Variants in CPSF4L observed in about 807,000 individuals in gnomAD.
CPSF4L encodes cleavage and polyadenylation specific factor 4 like.
CPSF4L carries 18 observed loss-of-function variants against 24.0 expected under a neutral mutation model. That is an observed-to-expected ratio of 0.75 (90% CI 0.52 to 1.11). CPSF4L has a LOEUF of 1.11. Among genes scored for constraint, CPSF4L ranks in the 50% least tolerant of loss-of-function variants. CPSF4L has a pLI of 0.00. For missense variants in CPSF4L, 211 were observed against 221.8 expected (o/e 0.95, Z 0.31); for synonymous variants, 72 against 77.2 (o/e 0.93, Z 0.35).
chr17:73,248,576 C>T (rs774155068), intron 5 of CPSF4L, 40 bp from the exon 6 acceptor site: 13 of 1,546,960 alleles, frequency 8.4e-6, no homozygotes, highest in Middle Eastern at 1.7e-4. Context: ...AATCCATACA[C>T]GTAATCCATA....
intron 5 of CPSF4L, chr17:73,250,281 G>A: frequency 6.4e-7 from 1 of 1,550,648 alleles, no homozygotes. Context: ...TGTACTTACT[G>A]GCATAATGGC....
the CPSF4L span, chr17:73,243,095 T>G: frequency 2.5e-4 from 231 of 937,030 alleles, 6 homozygotes; most frequent in Non-Finnish European, 3.0e-4. Flanking sequence ...TTTTTTTTTT[T>G]TTTTTTACAG....
At chr17:73,256,659 G>A (rs1422346955) in intron 3 of CPSF4L, among the ~76,000 whole-genome samples, 2 of 152,236 alleles carry the variant, frequency 1.3e-5, no homozygotes, top group East Asian at 3.8e-4. Flanking sequence ...GAGACCTGAA[G>A]CACATTTACA....
intron 1 of CPSF4L, among the ~76,000 whole-genome samples, 194 bp from the exon 2 acceptor site, chr17:73,261,177 A>G (rs2062043432): frequency 6.6e-6 from 1 of 152,162 alleles, no homozygotes; most frequent in Non-Finnish European, 1.5e-5. Flanking sequence ...CCCAACTCTG[A>G]AACAGAGGAG....
chr17:73,250,136 C>T (rs756125911), intron 5 of CPSF4L: 29 of 1,056,432 alleles, frequency 2.7e-5, no homozygotes, highest in South Asian at 5.9e-5. Context: ...TACTTCTGCA[C>T]CTCACTCATA....
At chr17:73,247,350 T>A, downstream of CPSF4L, 5 of 1,614,012 alleles carry the variant, frequency 3.1e-6, no homozygotes, top group Non-Finnish European at 4.2e-6. Context: ...AGGAAGCACG[T>A]TTAAGTAGGA....
chr17:73,248,503 G>A lies in CPSF4L; in HGVS notation c.531C>T (p.Ser177=), dbSNP rs1460220992. 5 of 1,551,570 alleles carry A rather than the reference G, an allele frequency of 3.2e-6. No homozygotes were observed. In the East Asian group the frequency reaches 1.2e-4, roughly 38 times the overall value. ...AGGTAAGAAGCAACGCTTAGATCTT[G>A]CTTCCAGGCAGCAGCTTGAATTCCC... The part of the protein sequence containing the change: ...KIREFKLLPG[S]KI The change falls in exon 6 of 6, where the codon AGC becomes AGT. Residue 177 remains serine, a synonymous_variant. Coordinates refer to ENST00000344935, the MANE Select transcript of CPSF4L (RefSeq NM_001129885.1).
At chr17:73,253,439 GA>G (rs2062012964) in intron 4 of CPSF4L, among the ~76,000 whole-genome samples, 1 of 152,224 alleles carries the variant, frequency 6.6e-6, no homozygotes, top group African/African-American at 2.4e-5. Context: ...AACTCCGTAA[GA>G]AAAACCTATC....
intron 3 of CPSF4L, among the ~76,000 whole-genome samples, chr17:73,255,830 T>C (rs924932872): frequency 6.6e-6 from 1 of 152,162 alleles, no homozygotes; most frequent in African/African-American, 2.4e-5. Flanking sequence ...TTCTGCTGCG[T>C]GCACGTCTCT....
chr17:73,254,894 G>C (rs1290777804), intron 3 of CPSF4L, among the ~76,000 whole-genome samples: 3 of 152,036 alleles, frequency 2.0e-5, no homozygotes, highest in African/African-American at 7.2e-5. Context: ...CGCCCACCTT[G>C]GCTTCCCAAA....
downstream of CPSF4L, chr17:73,248,385 C>T (rs887220206): frequency 8.1e-6 from 8 of 992,934 alleles, no homozygotes; most frequent in African/African-American, 1.3e-4. Flanking sequence ...CCATTTTAAA[C>T]AGCCTTATAA....
intron 2 of CPSF4L, among the ~76,000 whole-genome samples, chr17:73,259,046 T>A (rs1017450153): frequency 2.6e-5 from 4 of 152,272 alleles, no homozygotes; most frequent in East Asian, 3.9e-4. Flanking sequence ...TTCTTTAATT[T>A]ATTTATTTAT....
upstream of CPSF4L, among the ~76,000 whole-genome samples, chr17:73,263,231 G>A (rs576196650): frequency 1.4e-4 from 22 of 152,340 alleles, no homozygotes; most frequent in South Asian, 1.4e-3. Flanking sequence ...CAGGACTGAT[G>A]AGGGAATCAA....
chr17:73,245,183 G>C, downstream of CPSF4L: 3 of 1,573,210 alleles, frequency 1.9e-6, no homozygotes, highest in Non-Finnish European at 2.6e-6. Flanking sequence ...CAGCGGTGGC[G>C]TAAGTAGTGT....
intron 2 of CPSF4L, among the ~76,000 whole-genome samples, chr17:73,260,367 G>A (rs557875519): frequency 3.0e-4 from 45 of 152,262 alleles, no homozygotes; most frequent in African/African-American, 9.6e-4. Flanking sequence ...ACCCTGATGC[G>A]AACTGCAAAC....
In CPSF4L at chr17:73,257,827, A is replaced by G; in HGVS notation, c.161T>C (p.Leu54Pro). 3 of 1,551,358 alleles carry G rather than the reference A, an allele frequency of 1.9e-6. No homozygotes were observed. The highest frequency in any genetic ancestry group is 2.6e-6 in the Non-Finnish European group (3 of 1,146,874). ...FTKGLCEKGK[L>P]CPFRHDRGEK... The stretch of plus-strand genomic sequence containing the variant: ...CCCTCGGTCATGTCGGAAGGGGCAG[A>G]GTTTCCCTGGAGATGCCAGAGCACC... The change falls in exon 3 of 6, where the codon CTC (leucine) becomes CCC (proline). Residue 54 changes from leucine (L) to proline (P), a missense_variant. Leu to Pro is a moderately conservative substitution (Grantham distance 98). Transcript: ENST00000344935.
downstream of CPSF4L, chr17:73,248,311 C>T (rs573038498): frequency 1.7e-4 from 100 of 604,084 alleles, 1 homozygote; most frequent in Middle Eastern, 3.4e-4. Flanking sequence ...AGGTGTGAGG[C>T]GGGGTAACTA....
At chr17:73,254,478 G>A (rs771070129) in intron 3 of CPSF4L, among the ~76,000 whole-genome samples, 47 of 152,338 alleles carry the variant, frequency 3.1e-4, no homozygotes, top group Non-Finnish European at 1.9e-4. Flanking sequence ...GAAAAGCAGA[G>A]CCCTGCTCAA....
chr17:73,247,322 C>A, downstream of CPSF4L: 1 of 1,614,206 alleles, frequency 6.2e-7, no homozygotes, highest in Middle Eastern at 1.6e-4. Flanking sequence ...GATTGCCGCT[C>A]TAAAACATGT....
Sources: gnomAD v4.1 joint callset for allele counts (sites outside exome capture counted in the v4.1 genomes callset) on GRCh38, gnomAD v4.1.1 for gene constraint, MANE v1.5 for transcripts, NCBI Gene and HGNC (gene_info 2026-07-23, HGNC 2026-07-21) for gene names.